Variants in STPG2 observed in about 807,000 individuals in gnomAD.
STPG2 encodes the protein sperm-tail PG-rich repeat-containing protein 2.
In STPG2, 56 loss-of-function variants were observed where a neutral mutation model predicts 54.2. That is an observed-to-expected ratio of 1.03 (90% CI 0.83 to 1.29). STPG2 has a LOEUF of 1.29. Ranked by LOEUF, STPG2 falls within the 50% of genes most tolerant of loss-of-function variation. STPG2 has a pLI of 0.00. For missense variants in STPG2, 596 were observed against 544.9 expected, an observed-to-expected ratio of 1.09 and a Z score of -0.93; for synonymous variants, 200 against 181.8, an observed-to-expected ratio of 1.10 and a Z score of -0.81.
intron 8 of STPG2, among the ~76,000 whole-genome samples, chr4:97,878,176 C>T (rs778433857): frequency 5.3e-5 from 8 of 152,198 alleles, no homozygotes; most frequent in Non-Finnish European, 8.8e-5. Flanking sequence ...CAGCCTCCCT[C>T]CCAGGTGCTT....
intron 8 of STPG2, among the ~76,000 whole-genome samples, chr4:97,924,661 G>A (rs1732266778): frequency 6.6e-6 from 1 of 151,944 alleles, no homozygotes; most frequent in African/African-American, 2.4e-5. Flanking sequence ...TTCATCTTAA[G>A]ATGATTAGAC....
chr4:97,730,193 C>A (rs1724753831), intron 9 of STPG2, among the ~76,000 whole-genome samples: 2 of 152,084 alleles, frequency 1.3e-5, no homozygotes, highest in Admixed American at 1.3e-4. Context: ...GTCTACTGAC[C>A]CATCTTTATG....
chr4:97,933,488 C>T lies in STPG2; in HGVS notation c.1044+10409G>A, dbSNP rs574235289. 5.2e-4 allele frequency among the ~76,000 whole-genome samples: 79 copies of T among 151,932 alleles called. 1 individual carries two copies. The highest frequency in any genetic ancestry group is 8.7e-4 in the Non-Finnish European group (59 of 67,958). On this transcript the variant is annotated intron_variant, in intron 8 of 10. Coordinates refer to ENST00000295268, the MANE Select transcript of STPG2 (RefSeq NM_174952.3). ...CCTAGATTTTCCCCCAGGGTTTTTA[C>T]GGTTTTGGGTTTTACATTTAAGTCT...
intron 4 of STPG2, among the ~76,000 whole-genome samples, chr4:97,459,440 G>GTTTTTT (rs564314656): frequency 1.6e-5 from 2 of 122,490 alleles, no homozygotes; most frequent in Non-Finnish European, 3.5e-5. Context: ...GTTTTTTTTT[G>GTTTTTT]TTTTTTTTTT....
intron 4 of STPG2, among the ~76,000 whole-genome samples, chr4:98,107,758 A>T (rs1389168034): frequency 3.6e-5 from 5 of 140,640 alleles, no homozygotes; most frequent in Non-Finnish European, 7.8e-5. Context: ...TAAAACTGAG[A>T]AGAGGGGAAA....
intron 9 of STPG2, among the ~76,000 whole-genome samples, chr4:97,727,263 A>C (rs1208221142): frequency 6.6e-6 from 1 of 151,922 alleles, no homozygotes; most frequent in African/African-American, 2.4e-5. Flanking sequence ...ATTCCATATT[A>C]GTTTTATATT....
At chr4:97,905,733 T>G (rs1268480512) in intron 8 of STPG2, among the ~76,000 whole-genome samples, 2 of 151,938 alleles carry the variant, frequency 1.3e-5, no homozygotes, top group Non-Finnish European at 1.5e-5. Flanking sequence ...GAGACACACA[T>G]AGGCTCAAAA....
intron 10 of STPG2, among the ~76,000 whole-genome samples, chr4:97,604,819 A>T (rs1169398676): frequency 6.6e-6 from 1 of 151,864 alleles, no homozygotes; most frequent in Non-Finnish European, 1.5e-5. Flanking sequence ...GTATCTGAGC[A>T]TAATCATATT....
chr4:97,785,997 C>G (rs931192065), intron 9 of STPG2, among the ~76,000 whole-genome samples: 1 of 152,022 alleles, frequency 6.6e-6, no homozygotes, highest in East Asian at 1.9e-4. Flanking sequence ...TTTAAGAACA[C>G]AGGTGTCTAA....
chr4:97,801,969 A>T (rs887355548), intron 9 of STPG2, among the ~76,000 whole-genome samples: 1 of 152,214 alleles, frequency 6.6e-6, no homozygotes, highest in Non-Finnish European at 1.5e-5. Context: ...TCAAACTAGC[A>T]TGCATTAGAA....
intron 8 of STPG2, among the ~76,000 whole-genome samples, chr4:97,930,794 T>G (rs888173349): frequency 6.6e-6 from 1 of 152,360 alleles, no homozygotes; most frequent in South Asian, 2.1e-4. Context: ...ACAATATTGA[T>G]TCTTCCTATC....
rs192654937 is a variant in STPG2, at chr4:97,533,993, C to A, written c.462+178706G>T. 1.4e-3 allele frequency among the ~76,000 whole-genome samples: 209 copies of A among 152,008 alleles called. 1 individual carries two copies. The highest frequency in any genetic ancestry group is 4.8e-3 in the African/African-American group (200 of 41,500). ...AGTAGAAACTGCAAAAATCATTTTC[C>A]AAAGAGGTTGAACTATTTTACATTC... is the stretch of plus-strand genomic sequence containing the variant. On this transcript the variant is annotated intron_variant, in intron 4 of 4. Transcript: ENST00000522676.
At chr4:97,490,466 C>T (rs1415544858) in intron 4 of STPG2, among the ~76,000 whole-genome samples, 1 of 151,440 alleles carries the variant, frequency 6.6e-6, no homozygotes, top group African/African-American at 2.4e-5. Flanking sequence ...TCTCTTCCTC[C>T]ATCCCTCCCA....
At chr4:97,907,935 G>C (rs1442116029) in intron 8 of STPG2, among the ~76,000 whole-genome samples, 1 of 152,136 alleles carries the variant, frequency 6.6e-6, no homozygotes, top group African/African-American at 2.4e-5. Context: ...ACCTAGGCCT[G>C]ACCATTCAGG....
intron 4 of STPG2, among the ~76,000 whole-genome samples, chr4:97,485,729 T>C (rs981202458): frequency 6.6e-6 from 1 of 151,382 alleles, no homozygotes; most frequent in African/African-American, 2.4e-5. Context: ...GAAGCCTGCA[T>C]AGCCAATGCA....
chr4:98,074,972 C>T (rs1353202039), intron 5 of STPG2, among the ~76,000 whole-genome samples: 1 of 152,124 alleles, frequency 6.6e-6, no homozygotes, highest in African/African-American at 2.4e-5. Flanking sequence ...ATTATGTTAT[C>T]TACCTCCAGA....
intron 8 of STPG2, among the ~76,000 whole-genome samples, chr4:97,892,801 C>G (rs1038968059): frequency 1.7e-4 from 26 of 152,218 alleles, no homozygotes; most frequent in Admixed American, 1.4e-3. Context: ...GAGAATCCCC[C>G]TAAGGCACTA....
chr4:98,089,210 C>T (rs370575441), intron 5 of STPG2, among the ~76,000 whole-genome samples: 4 of 152,072 alleles, frequency 2.6e-5, no homozygotes, highest in African/African-American at 9.7e-5. Flanking sequence ...CCCCTCCCAA[C>T]CTTACCCTCT....
chr4:98,001,610 G>C (rs1735418238), intron 5 of STPG2, among the ~76,000 whole-genome samples: 1 of 152,014 alleles, frequency 6.6e-6, no homozygotes, highest in South Asian at 2.1e-4. Context: ...ACCCATATAA[G>C]ATTAATTATT....
Sources: gnomAD v4.1 joint callset for allele counts (sites outside exome capture counted in the v4.1 genomes callset) on GRCh38, gnomAD v4.1.1 for gene constraint, MANE v1.5 for transcripts, NCBI Gene and HGNC (gene_info 2026-07-23, HGNC 2026-07-21) for gene names.